KCNK10: variants seen among roughly 807,000 people sequenced by gnomAD.
The protein encoded by KCNK10 is potassium two pore domain channel subfamily K member 10, also known as potassium channel subfamily K member 10.
Under a neutral mutation model 47.7 loss-of-function variants are expected in KCNK10, and 25 were observed. The observed-to-expected ratio is 0.52, with a 90% CI of 0.38 to 0.73. The LOEUF (loss-of-function observed/expected upper bound fraction) is 0.73. Ranked by LOEUF, KCNK10 falls within the 30% of genes least tolerant of loss-of-function variation. KCNK10 has a pLI of 0.00. For synonymous variants in KCNK10, 303 were observed against 285.6 expected (o/e 1.06, Z -0.61); for missense variants, 563 against 714.5 (o/e 0.79, Z 2.42).
At chr14:88,244,585 G>A (rs552096657) in intron 2 of KCNK10, among the ~76,000 whole-genome samples, 2 of 151,892 alleles carry the variant, frequency 1.3e-5, no homozygotes, top group Non-Finnish European at 2.9e-5. Flanking sequence ...GGAGAATGGC[G>A]TGAACCTGGG....
rs565493003 is a variant in KCNK10, at chr14:88,323,012, G to C, written c.-214C>G. 289 of 1,373,790 alleles carry C rather than the reference G, an allele frequency of 2.1e-4. 1 individual carries two copies. In the South Asian group the frequency reaches 3.0e-3, roughly 14 times the overall value. The allele number at this position is 1,373,790 out of a possible 1,614,324, so 85.1% of individuals were successfully genotyped here. On this transcript the variant is annotated 5_prime_UTR_variant, in exon 1 of 7. Coordinates refer to ENST00000319231, the MANE Select transcript of KCNK10 (RefSeq NM_138317.3). The stretch of plus-strand genomic sequence containing the variant: ...GGGCTTGGGTGTTTGCACCGGCCAG[G>C]GGGTGGCCGGCCGCGGCCCCGTGGG...
intron 4 of KCNK10, among the ~76,000 whole-genome samples, chr14:88,200,216 G>A (rs1885061643): frequency 6.7e-6 from 1 of 150,320 alleles, no homozygotes; most frequent in African/African-American, 2.5e-5. Context: ...AGGGATGCTT[G>A]TCCACATAAA....
chr14:88,238,446 G>T (rs1159940046), intron 3 of KCNK10, among the ~76,000 whole-genome samples: 2 of 152,214 alleles, frequency 1.3e-5, no homozygotes, highest in Non-Finnish European at 2.9e-5. Flanking sequence ...CAAGGTGGGT[G>T]GATCACTTGG....
In KCNK10 at chr14:88,280,648, C is replaced by T. The variant is rs143051523; in HGVS notation, c.53-17097G>A. Among the ~76,000 whole-genome samples the T allele has an allele frequency of 2.3e-3, 349 of 152,280 alleles. 6 individuals carry two copies. In the Middle Eastern group the frequency reaches 0.037, roughly 16 times the overall value. ...GAATGATAGTAATGTTCACCCAAAC[C>T]GTTCAAGCCAAATAGGCAGGATCCT... On this transcript the variant is annotated intron_variant, in intron 1 of 6. Coordinates refer to ENST00000319231, the MANE Select transcript of KCNK10 (RefSeq NM_138317.3).
rs1010441172 is a variant in KCNK10 at position 88,191,252 on chromosome 14, AAAAAAC to A, written c.868+966_868+971del. 1.2e-4 allele frequency among the ~76,000 whole-genome samples: 17 copies of A among 147,282 alleles called. No homozygotes were observed. In the East Asian group the frequency reaches 2.1e-3, roughly 18 times the overall value. ...GGCAACAGAGGGAGACCCTGTTCAA[AAAAAAC>A]AAAAACAAAAACAAAAACAAAAAAA... On this transcript the variant is annotated intron_variant, in intron 5 of 6. Coordinates refer to ENST00000319231, the MANE Select transcript of KCNK10 (RefSeq NM_138317.3).
intron 4 of KCNK10, among the ~76,000 whole-genome samples, chr14:88,200,672 A>G (rs573776642): frequency 4.6e-5 from 7 of 152,364 alleles, no homozygotes; most frequent in African/African-American, 1.7e-4. Context: ...ATATTTTTCA[A>G]GCTATGAATA....
intron 4 of KCNK10, among the ~76,000 whole-genome samples, chr14:88,196,132 C>G (rs753501497): frequency 1.3e-5 from 2 of 152,222 alleles, no homozygotes; most frequent in Non-Finnish European, 2.9e-5. Context: ...ATGTTCTTCC[C>G]TTCTCTTTAC....
rs563607826 is a variant in KCNK10, at chr14:88,295,820, T to C, written c.52+26927A>G. On this transcript the variant is annotated intron_variant, in intron 1 of 6. Transcript: ENST00000319231. ...TAGCTCCCAACTATGGACTGTGAGC[T>C]CATCCATTCAGCAAGTTCCTCTTGA... Among the ~76,000 whole-genome samples, 17 of 152,302 alleles carry C rather than the reference T, an allele frequency of 1.1e-4. No homozygotes were observed. The East Asian group carries it at 2.1e-3, about 19-fold the overall frequency.
chr14:88,259,097 C>A (rs1313192822), intron 2 of KCNK10, among the ~76,000 whole-genome samples: 3 of 152,178 alleles, frequency 2.0e-5, no homozygotes, highest in African/African-American at 7.2e-5. Flanking sequence ...ACTGAAAACC[C>A]TTCCAGATGT....
At chr14:88,269,996 G>A (rs1742132) in intron 1 of KCNK10, among the ~76,000 whole-genome samples, 3 of 151,996 alleles carry the variant, frequency 2.0e-5, no homozygotes, top group Non-Finnish European at 2.9e-5. Context: ...TCAGTGCCAC[G>A]GTCACACAGC....
At position 88,185,869 on chromosome 14, in the gene KCNK10, G is replaced by A. The variant is rs139543723; in HGVS notation, c.1298C>T (p.Pro433Leu). 42 of 1,613,884 alleles carry A rather than the reference G, an allele frequency of 2.6e-5. No individual in the cohort carries two copies. The highest frequency in any genetic ancestry group is 1.1e-4 in the African/African-American group (8 of 74,864). Residue 433 changes from proline to leucine, a missense_variant, in exon 7 of 7, where the codon CCG becomes CTG. By Grantham distance (98) the Pro-to-Leu change is moderately conservative (BLOSUM62 -3). Coordinates refer to ENST00000319231, the MANE Select transcript of KCNK10 (RefSeq NM_138317.3). This position sits in a 1 kb window ranked among gnomAD's most constrained non-coding sequence, Gnocchi z 4.3. ...CTGCCCATGCTTGTTCAGCTGCTCC[G>A]GCCCCTTCAGGCGCAGGTTGTTGGG... The part of the protein sequence containing the change: ...NRPNNLRLKG[P>L]EQLNKHGQGA...
chr14:88,235,149 C>T (rs1274516626), intron 3 of KCNK10: 3 of 456,504 alleles, frequency 6.6e-6, no homozygotes, highest in African/African-American at 4.0e-5. Context: ...TGCAGAAACA[C>T]TCTGTCACAG....
Position 88,192,269 on chromosome 14 carries a change from C to G in KCNK10, c.823G>C (p.Val275Leu). 2 of 1,613,916 alleles carry G rather than the reference C, an allele frequency of 1.2e-6. No homozygotes were observed. The highest frequency in any genetic ancestry group is 1.7e-6 in the Non-Finnish European group (2 of 1,179,916). The change falls in exon 5 of 7, where the codon GTG becomes CTG. Residue 275 changes from valine to leucine, a missense_variant. Coordinates refer to ENST00000319231, the MANE Select transcript of KCNK10 (RefSeq NM_138317.3). Reference sequence around the variant, plus strand: ...CCCACCGTGGTCAGAGTGACCACCACAAAGTAAATGGACTCCAAGGCCGTC... The same window carrying G: ...CCCACCGTGGTCAGAGTGACCACCAGAAAGTAAATGGACTCCAAGGCCGTC... The part of the protein sequence containing the change: ...GWTALESIYF[V>L]VVTLTTVGFG...
intron 1 of KCNK10, among the ~76,000 whole-genome samples, chr14:88,289,648 C>A (rs1228101708): frequency 6.6e-6 from 1 of 152,226 alleles, no homozygotes; most frequent in East Asian, 1.9e-4. Context: ...ACCCACCCAT[C>A]TTTTAAGGGG....
chr14:88,324,209 T>C (rs560434368), upstream of KCNK10, among the ~76,000 whole-genome samples: 143 of 152,226 alleles, frequency 9.4e-4, no homozygotes, highest in Non-Finnish European at 1.6e-3. Flanking sequence ...GGAAAGGGGC[T>C]AAACCTGGAG....
rs1169256075 is a variant in KCNK10 at position 88,322,827 on chromosome 14, G to A, written c.-29C>T. 3 of 1,614,070 alleles carry A rather than the reference G, an allele frequency of 1.9e-6. No homozygotes were observed. The highest frequency in any genetic ancestry group is 2.5e-6 in the Non-Finnish European group (3 of 1,179,974). ...TTCGTTGCCCAGAAGGGGAAGAAAT[G>A]AAAAGAACCCAAATAATAATAAAGT... On this transcript the variant is annotated 5_prime_UTR_variant, in exon 1 of 7. Transcript: ENST00000319231. The surrounding 1 kb of genome is among the most constrained non-coding windows in gnomAD (Gnocchi z 4.8).
At chr14:88,198,211 C>T (rs1566681720) in intron 4 of KCNK10, among the ~76,000 whole-genome samples, 2 of 152,284 alleles carry the variant, frequency 1.3e-5, no homozygotes, top group African/African-American at 2.4e-5. Context: ...AACTCATAAG[C>T]GATCACACCA....
At chr14:88,248,967 T>C (rs1014779742) in intron 2 of KCNK10, among the ~76,000 whole-genome samples, 7 of 152,224 alleles carry the variant, frequency 4.6e-5, no homozygotes, top group African/African-American at 9.6e-5. Flanking sequence ...TGTGAGGTTA[T>C]AGTAGTTAGG....
At chr14:88,306,408 G>A (rs1269319252) in intron 1 of KCNK10, among the ~76,000 whole-genome samples, 2 of 152,140 alleles carry the variant, frequency 1.3e-5, no homozygotes, top group Non-Finnish European at 2.9e-5. Flanking sequence ...ATGATAAAAT[G>A]GGACCTTTTC....
Sources: allele counts gnomAD v4.1 joint callset (sites outside exome capture counted in the v4.1 genomes callset), GRCh38; gene constraint gnomAD v4.1.1; non-coding constraint Gnocchi (gnomAD v3.1); transcripts MANE v1.5; gene names NCBI Gene and HGNC (gene_info 2026-07-23, HGNC 2026-07-21).